The following ALDH1A3 variants were observed in gnomAD, a reference collection of about 807,000 sequenced individuals.
ALDH1A3 encodes aldehyde dehydrogenase 1 family member A3.
In ALDH1A3, 28 loss-of-function variants were observed where a neutral mutation model predicts 57.5. The ratio of observed to expected loss-of-function variants is 0.49; its 90% CI spans 0.36 to 0.67. The LOEUF (loss-of-function observed/expected upper bound fraction) is 0.67. Among genes scored for constraint, ALDH1A3 ranks in the 30% least tolerant of loss-of-function variants. ALDH1A3 has a pLI of 0.00. For synonymous variants in ALDH1A3, 281 were observed against 264.8 expected (o/e 1.06, Z -0.59); for missense variants, 507 against 669.4 (o/e 0.76, Z 2.68).
At position 100,889,359 on chromosome 15, in the gene ALDH1A3, G is replaced by A. The variant is rs559420265; in HGVS notation, c.345+1647G>A. On this transcript the variant is annotated intron_variant, in intron 3 of 12. Coordinates refer to ENST00000329841, the MANE Select transcript of ALDH1A3 (RefSeq NM_000693.4). This position sits in a 1 kb window ranked among gnomAD's most constrained non-coding sequence, Gnocchi z 5.1. The stretch of plus-strand genomic sequence containing the variant: ...TACTCTTGGGTGCATTTCCCTAAGG[G>A]TGCATCCACACAGAAACTCGAGCTC... 8.5e-5 allele frequency among the ~76,000 whole-genome samples: 13 copies of A among 152,178 alleles called. No individual in the cohort carries two copies. The South Asian group carries it at 2.7e-3, about 32-fold the overall frequency.
chr15:100,880,380 A>C, intron 1 of ALDH1A3: 1 of 370,998 alleles, frequency 2.7e-6, no homozygotes, highest in Non-Finnish European at 4.8e-6. Flanking sequence ...CTCCCTCCCC[A>C]AAAACCCCTG....
intron 3 of ALDH1A3, among the ~76,000 whole-genome samples, chr15:100,891,326 A>G (rs12908902): frequency 0.31 from 46,891 of 152,146 alleles, 8,575 homozygotes; most frequent in East Asian, 0.59. Flanking sequence ...CAGCAGATGT[A>G]GTTGCCTCCT....
chr15:100,908,588 C>G, intron 12 of ALDH1A3, 106 bp downstream of exon 12: 1 of 1,000,910 alleles, frequency 1.0e-6, no homozygotes, highest in Non-Finnish European at 1.5e-6. Flanking sequence ...GTCCCCCCCA[C>G]ACCGCCGCTC....
In ALDH1A3 at chr15:100,900,695, T is replaced by G; in HGVS notation, c.1004T>G (p.Val335Gly). 1 of 1,613,970 alleles carries G rather than the reference T, an allele frequency of 6.2e-7. No homozygotes were observed. Among genetic ancestry groups the G allele is most frequent in the Non-Finnish European group, 8.5e-7 (1 of 1,179,994 alleles). ...TACTCTGAGTTTGTCAGGCGGAGCG[T>G]GGAGTATGCCAAGAAACGGCCCGTG... The part of the protein sequence containing the change: ...QVYSEFVRRS[V>G]EYAKKRPVGD... The change falls in exon 9 of 13, where the codon GTG (valine) becomes GGG (glycine). Residue 335 changes from valine (V) to glycine (G), a missense_variant. Physicochemically the swap from Val to Gly is moderately radical, Grantham distance 109 (BLOSUM62 -3). This residue lies in a region of ALDH1A3 where 432 missense variants were observed against 608.4 expected (regional missense o/e 0.71). Transcript: ENST00000329841.
In ALDH1A3 at chr15:100,885,380, TTAAAA is replaced by T; in HGVS notation, c.204+14_204+18del. 1.3e-6 allele frequency: 2 copies of T among 1,577,650 alleles called. No homozygotes were observed. Among genetic ancestry groups the T allele is most frequent in the South Asian group, 2.2e-5 (2 of 90,286 alleles). The stretch of plus-strand genomic sequence containing the variant: ...TGGAAGAAGGAGATAAGGTAAATAC[TTAAAA>T]TAAATTTGCTCTAAGTAATTCAATT... On this transcript the variant is annotated intron_variant, in intron 2 of 12. Transcript: ENST00000329841.
rs3803424 is a variant in ALDH1A3 at position 100,915,306 on chromosome 15, C to A, written c.*533C>A. ...TTTTTTGGTTTTTGTTTTTTGTTTT[C>A]TTGTTTTTAAAAAAAGGATTTCACA... is the stretch of plus-strand genomic sequence containing the variant. On this transcript the variant is annotated 3_prime_UTR_variant, in exon 13 of 13. Transcript: ENST00000329841. 1.3e-5 allele frequency: 2 copies of A among 152,392 alleles called. No individual in the cohort carries two copies. Among genetic ancestry groups the A allele is most frequent in the African/African-American group, 4.8e-5 (2 of 41,362 alleles). The allele number at this position is 152,392 out of a possible 1,614,324, so 9.4% of individuals were successfully genotyped here. A position where few individuals can be genotyped will look rare whatever the true frequency, so the allele number is the denominator to read the frequency against.
intron 10 of ALDH1A3, 87 bp downstream of exon 10, chr15:100,905,774 T>C (rs1054941190): frequency 7.4e-7 from 1 of 1,345,934 alleles, no homozygotes. Context: ...CAGAAATCCT[T>C]GTGATCTGAG....
Position 100,889,109 on chromosome 15 carries a change from G to T in ALDH1A3, c.345+1397G>T, listed in dbSNP as rs1025231580. ...TGGGCCATGAGGTCCTTTGCATCCTGTCCTTGCCCATCTCAGCCTCTTGTT... is the reference window on the plus strand; with the variant it reads ...TGGGCCATGAGGTCCTTTGCATCCTTTCCTTGCCCATCTCAGCCTCTTGTT... On this transcript the variant is annotated intron_variant, in intron 3 of 12. Coordinates refer to ENST00000329841, the MANE Select transcript of ALDH1A3 (RefSeq NM_000693.4). This position sits in a 1 kb window ranked among gnomAD's most constrained non-coding sequence, Gnocchi z 5.1. 1.3e-5 allele frequency: 2 copies of T among 152,254 alleles called. No homozygotes were observed. The highest frequency in any genetic ancestry group is 2.9e-5 in the Non-Finnish European group (2 of 68,056). The allele number at this position is 152,254 out of a possible 1,614,324, so 9.4% of individuals were successfully genotyped here. A position where few individuals can be genotyped will look rare whatever the true frequency, so the allele number is the denominator to read the frequency against.
At chr15:100,908,333 G>A in intron 11 of ALDH1A3, 75 bp from the exon 12 acceptor site, 1 of 1,255,192 alleles carries the variant, frequency 8.0e-7, no homozygotes, top group Non-Finnish European at 1.2e-6. Flanking sequence ...CTGCACTGGG[G>A]GCTAAGTGGC....
chr15:100,884,296 C>T (rs1333588610), intron 1 of ALDH1A3, among the ~76,000 whole-genome samples: 2 of 152,216 alleles, frequency 1.3e-5, no homozygotes, highest in African/African-American at 2.4e-5. Context: ...ACAATTAGAA[C>T]TTAGTGTAAA....
chr15:100,895,874 G>A, intron 6 of ALDH1A3, 59 bp from the exon 7 acceptor site: 1 of 1,439,000 alleles, frequency 6.9e-7, no homozygotes, highest in South Asian at 1.2e-5. Flanking sequence ...CGGCCCAAAT[G>A]TGGATCCGTG....
rs1320821026 is a variant in ALDH1A3 at position 100,880,048 on chromosome 15, G to A, written c.99+42G>A. 2.9e-6 allele frequency: 4 copies of A among 1,369,370 alleles called. No individual in the cohort carries two copies. In the South Asian group the frequency reaches 4.8e-5, roughly 16 times the overall value. 84.8% of individuals were successfully genotyped at this position (1,369,370 alleles called of 1,614,324 possible). A position where few individuals can be genotyped will look rare whatever the true frequency, so the allele number is the denominator to read the frequency against. ...TCCCACCCGACGGCCGCGGGCCCCT[G>A]CGCTGGGCAGCCAGACTCGGGGCGG... On this transcript the variant is annotated intron_variant, in intron 1 of 12. Transcript: ENST00000329841.
At chr15:100,912,352 C>T (rs137911263) in intron 12 of ALDH1A3, among the ~76,000 whole-genome samples, 2 of 152,236 alleles carry the variant, frequency 1.3e-5, no homozygotes, top group East Asian at 3.9e-4. Context: ...TGAAAACTAA[C>T]TATTCCTGTC....
Position 100,879,849 on chromosome 15 carries a change from C to G in ALDH1A3, c.-59C>G. On this transcript the variant is annotated 5_prime_UTR_variant, in exon 1 of 13. Transcript: ENST00000329841. ...CCCCGGGAGCGGGCTGCGCAGTGTC[C>G]GGGCCGAGCCGGTGCGCCGCAGACT... 1 of 1,252,030 alleles carries G rather than the reference C, an allele frequency of 8.0e-7. No individual in the cohort carries two copies. Among genetic ancestry groups the G allele is most frequent in the Non-Finnish European group, 1.0e-6 (1 of 975,606 alleles). 77.6% of individuals were successfully genotyped at this position (1,252,030 alleles called of 1,614,324 possible).
chr15:100,899,074 T>A (rs2041740962), intron 8 of ALDH1A3, among the ~76,000 whole-genome samples: 1 of 152,210 alleles, frequency 6.6e-6, no homozygotes, highest in South Asian at 2.1e-4. Flanking sequence ...AATTTCTTAC[T>A]AAGGTGTAAA....
Position 100,916,176 on chromosome 15 carries a change from G to A in ALDH1A3, c.*1403G>A, listed in dbSNP as rs190912866. On this transcript the variant is annotated 3_prime_UTR_variant, in exon 13 of 13. Coordinates refer to ENST00000329841, the MANE Select transcript of ALDH1A3 (RefSeq NM_000693.4). The stretch of plus-strand genomic sequence containing the variant: ...AAATGGGCCTATCACCCTTGTCAGA[G>A]ATATAAATTACCACATTTGCCTTCC... 1 of 152,162 alleles carries A rather than the reference G, an allele frequency of 6.6e-6. No individual in the cohort carries two copies. Among genetic ancestry groups the A allele is most frequent in the African/African-American group, 2.4e-5 (1 of 41,412 alleles). The allele number at this position is 152,162 out of a possible 1,614,324, so 9.4% of individuals were successfully genotyped here. A position where few individuals can be genotyped will look rare whatever the true frequency, so the allele number is the denominator to read the frequency against.
intron 1 of ALDH1A3, chr15:100,880,352 C>A (rs2141542367): frequency 5.4e-6 from 2 of 372,314 alleles, no homozygotes; most frequent in Admixed American, 4.6e-5. Context: ...TGACTCGGAG[C>A]GCGCTGGTTT....
At chr15:100,911,009 T>C (rs527842811) in intron 12 of ALDH1A3, among the ~76,000 whole-genome samples, 36 of 152,384 alleles carry the variant, frequency 2.4e-4, no homozygotes, top group Admixed American at 4.6e-4. Context: ...GAGGACTCAC[T>C]GGACACAGCC....
rs2041527327 is a variant in ALDH1A3, at chr15:100,879,875, A to G, written c.-33A>G. 2 of 1,347,948 alleles carry G rather than the reference A, an allele frequency of 1.5e-6. No individual in the cohort carries two copies. Among genetic ancestry groups the G allele is most frequent in the Non-Finnish European group, 1.9e-6 (2 of 1,042,486 alleles). 83.5% of individuals were successfully genotyped at this position (1,347,948 alleles called of 1,614,324 possible). A position where few individuals can be genotyped will look rare whatever the true frequency, so the allele number is the denominator to read the frequency against. Reference sequence around the variant, plus strand: ...GGGCCGAGCCGGTGCGCCGCAGACTAGGGCGCCTCGGGCCAGGGAGCGCGG... The same window carrying G: ...GGGCCGAGCCGGTGCGCCGCAGACTGGGGCGCCTCGGGCCAGGGAGCGCGG... On this transcript the variant is annotated 5_prime_UTR_variant, in exon 1 of 13. Coordinates refer to ENST00000329841, the MANE Select transcript of ALDH1A3 (RefSeq NM_000693.4).
Sources: allele counts gnomAD v4.1 joint callset (sites outside exome capture counted in the v4.1 genomes callset), GRCh38; gene constraint gnomAD v4.1.1; regional missense constraint gnomAD v4.1.1; non-coding constraint Gnocchi (gnomAD v3.1); transcripts MANE v1.5; gene names NCBI Gene and HGNC (gene_info 2026-07-23, HGNC 2026-07-21).